Variants in AKT3 observed in about 807,000 individuals in gnomAD.
AKT3 encodes the protein AKT serine/threonine kinase 3, also known as RAC-gamma serine/threonine-protein kinase.
AKT3 carries 15 observed loss-of-function variants against 65.3 expected under a neutral mutation model. That is an observed-to-expected ratio of 0.23 (90% CI 0.15 to 0.35). AKT3 has a LOEUF of 0.35. AKT3 is among the 10% of genes least tolerant of loss of function. The probability of loss-of-function intolerance (pLI) is 1.00; values close to 1 mark genes in which losing one functional copy is unlikely to be tolerated. For synonymous variants in AKT3, 206 were observed against 183.8 expected (o/e 1.12, Z -0.98); for missense variants, 243 against 576.5 (o/e 0.42, Z 5.92).
chr1:243,769,734 A>T (rs2148272764), intron 2 of AKT3, among the ~76,000 whole-genome samples: 1 of 152,214 alleles, frequency 6.6e-6, no homozygotes, highest in South Asian at 2.1e-4. Flanking sequence ...CCCATACTCT[A>T]TTCTTTTCAC....
At chr1:243,640,710 T>G (rs1034591180) in intron 5 of AKT3, among the ~76,000 whole-genome samples, 4 of 152,162 alleles carry the variant, frequency 2.6e-5, no homozygotes, top group African/African-American at 9.7e-5. Context: ...TTGTTGGATT[T>G]TCCAGCCCAC....
chr1:243,504,761 G>A lies in AKT3; in HGVS notation c.*488C>T. 5.1e-6 allele frequency: 1 copy of A among 194,506 alleles called. No homozygotes were observed. The highest frequency in any genetic ancestry group is 1.1e-5 in the Non-Finnish European group (1 of 93,674). The allele number at this position is 194,506 out of a possible 1,614,324, so 12.0% of individuals were successfully genotyped here. A position where few individuals can be genotyped will look rare whatever the true frequency, so the allele number is the denominator to read the frequency against. ...CACGGATCTGATGTGCTTTACATATGCACGCCACCACCCTTCCACAATTGC... is the reference window on the plus strand; with the variant it reads ...CACGGATCTGATGTGCTTTACATATACACGCCACCACCCTTCCACAATTGC... On this transcript the variant is annotated 3_prime_UTR_variant, in exon 14 of 14. Coordinates refer to ENST00000673466, the MANE Select transcript of AKT3 (RefSeq NM_005465.7).
At chr1:243,573,195 G>T in intron 8 of AKT3, 147 bp from the exon 9 acceptor site, 2 of 911,948 alleles carry the variant, frequency 2.2e-6, no homozygotes, top group Non-Finnish European at 3.0e-6. Context: ...GACAGCAGCT[G>T]GCTTATCTTT....
intron 2 of AKT3, among the ~76,000 whole-genome samples, chr1:243,768,005 A>C (rs1252593941): frequency 1.3e-5 from 2 of 151,940 alleles, no homozygotes; most frequent in Non-Finnish European, 2.9e-5. Context: ...GAGGGGGAAA[A>C]AAATAAAGCA....
intron 8 of AKT3, among the ~76,000 whole-genome samples, chr1:243,605,282 C>T (rs1677315708): frequency 6.6e-6 from 1 of 152,064 alleles, no homozygotes; most frequent in Non-Finnish European, 1.5e-5. Flanking sequence ...CCTATCTCAG[C>T]TGCCCAAAGC....
chr1:243,636,439 A>G (rs1384941532), intron 6 of AKT3, among the ~76,000 whole-genome samples: 1 of 152,092 alleles, frequency 6.6e-6, no homozygotes, highest in African/African-American at 2.4e-5. Flanking sequence ...CTGACATTAT[A>G]CTACCTCCCA....
In AKT3 at chr1:243,632,737, T is replaced by C. The variant is rs549651727; in HGVS notation, c.561+4874A>G. 1.4e-4 allele frequency among the ~76,000 whole-genome samples: 22 copies of C among 152,326 alleles called. 1 individual carries two copies. In the South Asian group the frequency reaches 4.4e-3, roughly 30 times the overall value. On this transcript the variant is annotated intron_variant, in intron 6 of 13. Transcript: ENST00000673466. ...TTCACCAATTATTTAGCTAGATATC[T>C]GGATAACTTGCTGCAGCTTCTGTGT...
rs1239351914 is a variant in AKT3, at chr1:243,710,205, G to T, written c.47-14489C>A. 2.6e-5 allele frequency among the ~76,000 whole-genome samples: 4 copies of T among 151,942 alleles called. No homozygotes were observed. In the East Asian group the frequency reaches 7.7e-4, roughly 29 times the overall value. On this transcript the variant is annotated intron_variant, in intron 2 of 13. Transcript: ENST00000673466. ...TTATCCTGAAAATATACCAAGTACG[G>T]TTTCATTTATTTGTGAAAATGTCCT...
chr1:243,510,654 G>A lies in AKT3; in HGVS notation c.1354+1670C>T, dbSNP rs149408226. 5.0e-3 allele frequency among the ~76,000 whole-genome samples: 755 copies of A among 152,292 alleles called. 3 individuals carry two copies. Among genetic ancestry groups the A allele is most frequent in the Admixed American group, 0.012 (184 of 15,306 alleles). ...AGGCATGGTGACGTGTGGCATGTTCGAGGTGTGGCTGGAACCCAGGGACAG... is the reference window on the plus strand; with the variant it reads ...AGGCATGGTGACGTGTGGCATGTTCAAGGTGTGGCTGGAACCCAGGGACAG... On this transcript the variant is annotated intron_variant, in intron 13 of 13. Transcript: ENST00000673466.
At chr1:243,642,364 C>T (rs577557895) in intron 5 of AKT3, among the ~76,000 whole-genome samples, 1 of 152,232 alleles carries the variant, frequency 6.6e-6, no homozygotes, top group African/African-American at 2.4e-5. Flanking sequence ...GGCTAGAGTG[C>T]AGTGGCACGA....
At chr1:243,816,884 T>C (rs1000693375) in intron 2 of AKT3, among the ~76,000 whole-genome samples, 3 of 152,206 alleles carry the variant, frequency 2.0e-5, no homozygotes, top group Non-Finnish European at 4.4e-5. Flanking sequence ...AAATTCCTTA[T>C]CATTCTTCCT....
chr1:243,679,837 T>C (rs915695096), intron 3 of AKT3, among the ~76,000 whole-genome samples: 12 of 152,164 alleles, frequency 7.9e-5, no homozygotes, highest in African/African-American at 2.9e-4. Flanking sequence ...TGGAACTTCC[T>C]AGAGGCATAG....
chr1:243,618,395 GAAGAT>G lies in AKT3; in HGVS notation c.562-3239_562-3235del, dbSNP rs138236502. On this transcript the variant is annotated intron_variant, in intron 6 of 13. Coordinates refer to ENST00000673466, the MANE Select transcript of AKT3 (RefSeq NM_005465.7). ...TCACATACTAATTAGTTTCTGCTATGAAGATAAGGTATGCGCAAGCTAAAAAGTAA... is the reference window on the plus strand; with the variant it reads ...TCACATACTAATTAGTTTCTGCTATGAAGGTATGCGCAAGCTAAAAAGTAA... Among the ~76,000 whole-genome samples, 1,223 of 152,192 alleles carry G rather than the reference GAAGAT, an allele frequency of 8.0e-3. 21 individuals carry two copies. Among genetic ancestry groups the G allele is most frequent in the African/African-American group, 0.027 (1,141 of 41,540 alleles).
chr1:243,507,510 T>G (rs955870098), intron 13 of AKT3, among the ~76,000 whole-genome samples: 2 of 152,120 alleles, frequency 1.3e-5, no homozygotes, highest in East Asian at 3.9e-4. Context: ...CTAAAAGAGC[T>G]GAGAGCCTGG....
At chr1:243,843,675 C>T (rs1695384251) in intron 1 of AKT3, 1 of 620,970 alleles carries the variant, frequency 1.6e-6, no homozygotes, top group Non-Finnish European at 2.0e-6. Flanking sequence ...TTTTTTGAAA[C>T]GGAATCTCAC....
chr1:243,654,661 T>C (rs773128493), intron 4 of AKT3, among the ~76,000 whole-genome samples: 26 of 152,204 alleles, frequency 1.7e-4, no homozygotes, highest in Non-Finnish European at 2.5e-4. Context: ...TTACTTTTAT[T>C]CATGGAAAAT....
chr1:243,492,299 T>TTTC (rs747761256), intron 13 of AKT3, among the ~76,000 whole-genome samples: 1 of 111,524 alleles, frequency 9.0e-6, no homozygotes, highest in Non-Finnish European at 1.9e-5. Context: ...TCTTGGCTTT[T>TTTC]TTTTTTTTTT....
At chr1:243,530,860 C>T (rs1444505421) in intron 12 of AKT3, among the ~76,000 whole-genome samples, 1 of 151,990 alleles carries the variant, frequency 6.6e-6, no homozygotes, top group African/African-American at 2.4e-5. Context: ...TCTTGAGTAG[C>T]CTAAGCTTGG....
chr1:243,520,163 A>C (rs1439722701), intron 12 of AKT3, among the ~76,000 whole-genome samples: 1 of 152,218 alleles, frequency 6.6e-6, no homozygotes, highest in East Asian at 1.9e-4. Context: ...TAAAAAAGTA[A>C]CTGCATTAAA....
Sources: allele counts gnomAD v4.1 joint callset (sites outside exome capture counted in the v4.1 genomes callset), GRCh38; gene constraint gnomAD v4.1.1; transcripts MANE v1.5; gene names NCBI Gene and HGNC (gene_info 2026-07-23, HGNC 2026-07-21).